The following TDRD12 variants were observed in gnomAD, a reference collection of about 807,000 sequenced individuals.
TDRD12 encodes putative ATP-dependent RNA helicase TDRD12.
TDRD12 carries 158 observed loss-of-function variants against 133.5 expected under a neutral mutation model. That is an observed-to-expected ratio of 1.18 (90% CI 1.04 to 1.35). The LOEUF (loss-of-function observed/expected upper bound fraction) is 1.35, where lower values mean the gene tolerates loss of function less well. Among genes scored for constraint, TDRD12 ranks in the 40% most tolerant of loss-of-function variants. The probability of loss-of-function intolerance (pLI) is 0.00; values close to 1 mark genes in which losing one functional copy is unlikely to be tolerated. For missense variants in TDRD12, 1,443 were observed against 1,321.3 expected (o/e 1.09, Z -1.43); for synonymous variants, 460 against 477.9 (o/e 0.96, Z 0.49).
intron 11 of TDRD12, among the ~76,000 whole-genome samples, chr19:32,789,660 A>G (rs995274367): frequency 6.6e-6 from 1 of 152,178 alleles, no homozygotes; most frequent in African/African-American, 2.4e-5. Flanking sequence ...TCATGTACCC[A>G]TTCATCAGCT....
At chr19:32,745,528 T>C (rs965865140) in intron 4 of TDRD12, among the ~76,000 whole-genome samples, 2 of 152,252 alleles carry the variant, frequency 1.3e-5, no homozygotes, top group African/African-American at 2.4e-5. Flanking sequence ...CGTTAGACTT[T>C]CTAATTTCTG....
In TDRD12 at chr19:32,813,784, C is replaced by G. The variant is rs8107900; in HGVS notation, c.3141+8C>G. ...GTTTGGATTGATCCAATGGTAAGTA[C>G]GCATTTTTTCTTAGAAATAAATTTG... is the stretch of plus-strand genomic sequence containing the variant. On this transcript the variant is annotated splice_region_variant and intron_variant, in intron 25 of 27. Transcript: ENST00000444215. The G allele has an allele frequency of 1.3e-6, 2 of 1,493,300 alleles. No homozygotes were observed. Among genetic ancestry groups the G allele is most frequent in the Non-Finnish European group, 1.8e-6 (2 of 1,112,320 alleles). The allele number at this position is 1,493,300 out of a possible 1,614,324, so 92.5% of individuals were successfully genotyped here.
chr19:32,796,376 C>T (rs943290110), intron 14 of TDRD12, among the ~76,000 whole-genome samples: 54 of 152,082 alleles, frequency 3.6e-4, no homozygotes, highest in African/African-American at 1.2e-3. Flanking sequence ...ATCACGAGAT[C>T]GAGATCGAGA....
At chr19:32,811,529 G>A in intron 24 of TDRD12, 109 bp downstream of exon 24, 1 of 1,064,292 alleles carries the variant, frequency 9.4e-7, no homozygotes, top group Non-Finnish European at 1.4e-6. Context: ...TTTGGGCAGG[G>A]AAAGTGCAGT....
chr19:32,764,858 C>T (rs763171514), intron 8 of TDRD12, among the ~76,000 whole-genome samples: 3 of 152,134 alleles, frequency 2.0e-5, no homozygotes, highest in Non-Finnish European at 4.4e-5. Context: ...ACACCAAAAG[C>T]AATGGCAACA....
At chr19:32,757,122 C>T in exon 8 of TDRD12, 1 of 1,551,516 alleles carries the variant, frequency 6.4e-7, no homozygotes, top group South Asian at 1.2e-5. Flanking sequence ...CCAACAGCCA[C>T]AGCACAGGGT....
chr19:32,748,569 T>A (rs1475160976), intron 5 of TDRD12, 38 bp downstream of exon 5: 1 of 1,537,448 alleles, frequency 6.5e-7, no homozygotes, highest in Admixed American at 2.0e-5. Context: ...TGCCTGGAAG[T>A]GACACCCACA....
intron 27 of TDRD12, among the ~76,000 whole-genome samples, chr19:32,820,581 T>C (rs1458108748): frequency 6.6e-6 from 1 of 152,206 alleles, no homozygotes; most frequent in Non-Finnish European, 1.5e-5. Flanking sequence ...TGTGTATGTG[T>C]CCATGTGTTT....
intron 21 of TDRD12, among the ~76,000 whole-genome samples, chr19:32,804,316 C>T (rs1221343992): frequency 1.3e-5 from 2 of 150,948 alleles, no homozygotes; most frequent in Non-Finnish European, 3.0e-5. Context: ...TCGTGATCTG[C>T]CCGCCTCGGC....
Position 32,729,739 on chromosome 19 carries a change from T to C in TDRD12, c.25-1986T>C, listed in dbSNP as rs376517351. Among the ~76,000 whole-genome samples, 5 of 150,904 alleles carry C rather than the reference T, an allele frequency of 3.3e-5. No homozygotes were observed. The South Asian group carries it at 1.0e-3, about 32-fold the overall frequency. ...TCGCCTGTTAATTCCAATATCTGGG[T>C]ATCTTGGGTTCACTTTCTGGTGACT... On this transcript the variant is annotated intron_variant, in intron 1 of 27. Coordinates refer to ENST00000444215, the Ensembl canonical transcript of TDRD12.
chr19:32,817,769 G>C (rs59004648), intron 26 of TDRD12, among the ~76,000 whole-genome samples: 1 of 150,840 alleles, frequency 6.6e-6, no homozygotes, highest in African/African-American at 2.4e-5. Context: ...GACCCCGCCC[G>C]AGGTGCAAAC....
intron 17 of TDRD12, 134 bp from the exon 18 acceptor site, chr19:32,800,510 A>G (rs1971357202): frequency 3.2e-6 from 3 of 949,684 alleles, no homozygotes; most frequent in Non-Finnish European, 4.5e-6. Context: ...ATGAAATACA[A>G]TTATAGTTGA....
At chr19:32,779,215 A>G (rs1970692266) in intron 11 of TDRD12, among the ~76,000 whole-genome samples, 1 of 152,192 alleles carries the variant, frequency 6.6e-6, no homozygotes, top group African/African-American at 2.4e-5. Context: ...AACGACTGTC[A>G]CAATGTGGGC....
chr19:32,822,830 A>G (rs955255490), downstream of TDRD12, among the ~76,000 whole-genome samples: 1 of 152,010 alleles, frequency 6.6e-6, no homozygotes, highest in Non-Finnish European at 1.5e-5. Context: ...AGAGGTGAGG[A>G]GACCATTTGC....
At chr19:32,749,833 T>A in exon 6 of TDRD12, 1 of 1,550,668 alleles carries the variant, frequency 6.4e-7, no homozygotes, top group Non-Finnish European at 8.7e-7. Flanking sequence ...AAGATACATT[T>A]GAGGTTTACC....
intron 12 of TDRD12, 106 bp from the exon 13 acceptor site, chr19:32,790,858 G>A (rs1483720495): frequency 3.4e-6 from 5 of 1,456,626 alleles, no homozygotes; most frequent in Admixed American, 5.5e-5. Flanking sequence ...ATATACCCAG[G>A]TGTTTACATT....
exon 4 of TDRD12, chr19:32,742,833 T>A (rs1416014188): frequency 6.4e-7 from 1 of 1,551,854 alleles, no homozygotes; most frequent in Non-Finnish European, 8.7e-7. Context: ...AGCAAAAAAA[T>A]TCAGCCTGTA....
At chr19:32,721,158 C>G (rs1281366706) in intron 1 of TDRD12, among the ~76,000 whole-genome samples, 1 of 152,026 alleles carries the variant, frequency 6.6e-6, no homozygotes, top group Admixed American at 6.6e-5. Context: ...TTCTAGTCCT[C>G]GGGGAAGGGA....
exon 9 of TDRD12, chr19:32,772,829 C>T: frequency 6.7e-7 from 1 of 1,499,862 alleles, no homozygotes. Context: ...ACCATTGCAT[C>T]TCTTTAAAAG....
Sources: gnomAD v4.1 joint callset for allele counts (sites outside exome capture counted in the v4.1 genomes callset) on GRCh38, gnomAD v4.1.1 for gene constraint, MANE v1.5 for transcripts, NCBI Gene and HGNC (gene_info 2026-07-23, HGNC 2026-07-21) for gene names.